The following ZNF738 variants were observed in gnomAD, a reference collection of about 807,000 sequenced individuals.
ZNF738 encodes protein ZNF738.
A neutral mutation model predicts 9.2 loss-of-function variants in ZNF738; 10 were observed. That is an observed-to-expected ratio of 1.09 (90% confidence interval 0.67 to 1.85). ZNF738 has a LOEUF of 1.85. ZNF738 is among the 40% of genes most tolerant of loss of function. The pLI, the probability that ZNF738 is intolerant of heterozygous loss-of-function variation, is 0.00. For missense variants in ZNF738, 346 were observed against 283.6 expected (o/e 1.22, Z -1.58); for synonymous variants, 113 against 94.5 (o/e 1.20, Z -1.14).
chr19:21,385,566 A>G lies in ZNF738; in HGVS notation c.*1892A>G, dbSNP rs1020742936. ...TTAACCAGTCCTCACACCTTACTGC[A>G]CATAAGAGAAATCATACTGGAAGGA... On this transcript the variant is annotated 3_prime_UTR_variant, in exon 5 of 5. Transcript: ENST00000683779. 3.9e-5 allele frequency among the ~76,000 whole-genome samples: 6 copies of G among 152,236 alleles called. No individual in the cohort carries two copies. Among genetic ancestry groups the G allele is most frequent in the Admixed American group, 2.0e-4 (3 of 15,288 alleles).
intron 2 of ZNF738, chr19:21,372,730 A>G (rs1973872292): frequency 6.6e-6 from 1 of 152,204 alleles, no homozygotes; most frequent in Non-Finnish European, 1.5e-5. Flanking sequence ...AGGTGTTAGT[A>G]GGACATAATA....
At position 21,384,581 on chromosome 19, in the gene ZNF738, C is replaced by T. The variant is rs1340789096; in HGVS notation, c.*907C>T. Among the ~76,000 whole-genome samples the T allele has an allele frequency of 6.6e-6, 1 of 152,140 alleles. No homozygotes were observed. The highest frequency in any genetic ancestry group is 6.5e-5 in the Admixed American group (1 of 15,276). The stretch of plus-strand genomic sequence containing the variant: ...AGATAATTCATACTGGAGAGAAACC[C>T]TACAAATGTGAAGAATGTGGCAAAG... On this transcript the variant is annotated 3_prime_UTR_variant, in exon 5 of 5. Coordinates refer to ENST00000683779, the MANE Select transcript of ZNF738 (RefSeq NM_001355237.2).
chr19:21,378,603 T>A, intron 4 of ZNF738: 1 of 380,860 alleles, frequency 2.6e-6, no homozygotes, highest in Non-Finnish European at 5.4e-6. Flanking sequence ...GCAAATAATA[T>A]CACTTTTTTT....
Position 21,375,146 on chromosome 19 carries a change from A to G in ZNF738, c.97-92A>G, listed in dbSNP as rs1417366373. 6 of 685,056 alleles carry G rather than the reference A, an allele frequency of 8.8e-6. No homozygotes were observed. The Admixed American group carries it at 1.7e-4, about 19-fold the overall frequency. 42.4% of individuals were successfully genotyped at this position (685,056 alleles called of 1,614,324 possible). ...TCAGTTATTCCTGTAAGTCAGAACC[A>G]ATTTTCTTTACTCTCTCATTTAACC... On this transcript the variant is annotated intron_variant, in intron 2 of 4. Transcript: ENST00000683779.
At chr19:21,381,162 G>T in intron 4 of ZNF738, 1 of 1,032,366 alleles carries the variant, frequency 9.7e-7, no homozygotes, top group South Asian at 1.6e-5. Flanking sequence ...TTTCTGCAGT[G>T]AGCACCAAGG....
chr19:21,381,813 GT>G, intron 4 of ZNF738: 1 of 291,630 alleles, frequency 3.4e-6, no homozygotes, highest in Non-Finnish European at 6.9e-6. Context: ...TTAAGAAGTT[GT>G]TTTACTTTGG....
chr19:21,376,005 T>C (rs767492339), intron 4 of ZNF738, 41 bp downstream of exon 4: 6 of 695,808 alleles, frequency 8.6e-6, no homozygotes, highest in Non-Finnish European at 1.3e-5. Flanking sequence ...AGATGAAAGG[T>C]TGGAAGATTA....
chr19:21,375,408 T>C (rs752385258), intron 3 of ZNF738, 44 bp downstream of exon 3: 30 of 600,968 alleles, frequency 5.0e-5, no homozygotes, highest in Non-Finnish European at 8.7e-5. Flanking sequence ...ACACTAAAGG[T>C]TTCATTTCTC....
chr19:21,367,404 G>C (rs1397407679), intron 2 of ZNF738, among the ~76,000 whole-genome samples: 1 of 152,178 alleles, frequency 6.6e-6, no homozygotes, highest in Non-Finnish European at 1.5e-5. Flanking sequence ...TATGGGGTTT[G>C]TGACTGGCAT....
In ZNF738 at chr19:21,384,111, C is replaced by T. The variant is rs752212746; in HGVS notation, c.*437C>T. The T allele has an allele frequency of 2.8e-5, 42 of 1,504,908 alleles. No individual in the cohort carries two copies. The highest frequency in any genetic ancestry group is 4.6e-5 in the East Asian group (2 of 43,100). 93.2% of individuals were successfully genotyped at this position (1,504,908 alleles called of 1,614,324 possible). A position where few individuals can be genotyped will look rare whatever the true frequency, so the allele number is the denominator to read the frequency against. On this transcript the variant is annotated 3_prime_UTR_variant, in exon 5 of 5. Coordinates refer to ENST00000683779, the MANE Select transcript of ZNF738 (RefSeq NM_001355237.2). ...TGAAGAATGTGGCAAAGCTTTCTAC[C>T]GATTATCTTATCTTACTACACATAA...
Position 21,383,373 on chromosome 19 carries a change from C to A in ZNF738, c.827C>A (p.Thr276Asn). 9.8e-7 allele frequency: 1 copy of A among 1,016,696 alleles called. No homozygotes were observed. The highest frequency in any genetic ancestry group is 1.5e-6 in the Non-Finnish European group (1 of 663,172). 63.0% of individuals were successfully genotyped at this position (1,016,696 alleles called of 1,614,324 possible). A position where few individuals can be genotyped will look rare whatever the true frequency, so the allele number is the denominator to read the frequency against. ...GKGFNHSTTL[T>N]RHKVIHAGEK... ...GGTTTTAACCACTCCACAACTCTTA[C>A]TAGACATAAGGTAATTCATGCTGGA... is the stretch of plus-strand genomic sequence containing the variant. The change falls in exon 5 of 5, where the codon ACT becomes AAT. Residue 276 changes from threonine (T) to asparagine (N), a missense_variant. Physicochemically the swap from Thr to Asn is moderately conservative, Grantham distance 65. Coordinates refer to ENST00000683779, the MANE Select transcript of ZNF738 (RefSeq NM_001355237.2).
chr19:21,385,359 G>A lies in ZNF738; in HGVS notation c.*1685G>A, dbSNP rs1035187493. ...TAGTCCCAGCTACTCTGGAGGCCTA[G>A]GTGGGAGAATCGCTTGAACCCAGGA... On this transcript the variant is annotated 3_prime_UTR_variant, in exon 5 of 5. Transcript: ENST00000683779. Among the ~76,000 whole-genome samples the A allele has an allele frequency of 1.6e-4, 24 of 152,266 alleles. No individual in the cohort carries two copies. The highest frequency in any genetic ancestry group is 5.8e-4 in the African/African-American group (24 of 41,554).
At position 21,385,914 on chromosome 19, in the gene ZNF738, G is replaced by A. The variant is rs1750067413; in HGVS notation, c.*2240G>A. On this transcript the variant is annotated 3_prime_UTR_variant, in exon 5 of 5. Transcript: ENST00000683779. ...CAACACTTACTAAACAGAATTCATA[G>A]CAGAGAGAAATCCTACAAATATGAA... 6.6e-6 allele frequency among the ~76,000 whole-genome samples: 1 copy of A among 151,994 alleles called. No homozygotes were observed. The highest frequency in any genetic ancestry group is 1.5e-5 in the Non-Finnish European group (1 of 68,024).
At chr19:21,364,183 C>G (rs1273555946) in intron 2 of ZNF738, among the ~76,000 whole-genome samples, 1 of 70,202 alleles carries the variant, frequency 1.4e-5, no homozygotes, top group Admixed American at 2.0e-4. Context: ...GGCAATAGAG[C>G]GAGAATCCGT....
At chr19:21,374,245 T>C (rs564691707) in intron 2 of ZNF738, among the ~76,000 whole-genome samples, 3 of 152,086 alleles carry the variant, frequency 2.0e-5, no homozygotes, top group African/African-American at 7.3e-5. Flanking sequence ...CTCTGAAAGT[T>C]CTGAAAAAAA....
intron 2 of ZNF738, among the ~76,000 whole-genome samples, chr19:21,364,087 C>T (rs1973740575): frequency 6.8e-6 from 1 of 147,188 alleles, no homozygotes; most frequent in African/African-American, 2.5e-5. Context: ...GCCCCAGTGA[C>T]TTAGGAGCCT....
intron 2 of ZNF738, among the ~76,000 whole-genome samples, chr19:21,363,392 C>T (rs566641639): frequency 2.0e-5 from 3 of 152,072 alleles, no homozygotes; most frequent in Non-Finnish European, 4.4e-5. Context: ...TCTGGAGTGC[C>T]TCTCCTGCAG....
At chr19:21,369,126 GTGTCTCACTCTGTCACATAGGA>G (rs1216512675) in intron 2 of ZNF738, among the ~76,000 whole-genome samples, 1 of 152,042 alleles carries the variant, frequency 6.6e-6, no homozygotes, top group Non-Finnish European at 1.5e-5. Flanking sequence ...TTTGGAGACA[GTGTCTCACTCTGTCACATAGGA>G]TGGAATGCAG....
At chr19:21,366,492 C>A (rs1051250551) in intron 2 of ZNF738, among the ~76,000 whole-genome samples, 1 of 152,114 alleles carries the variant, frequency 6.6e-6, no homozygotes, top group African/African-American at 2.4e-5. Context: ...ACAGAAGTCT[C>A]TTCAGTATAG....
Sources: gnomAD v4.1 joint callset for allele counts (sites outside exome capture counted in the v4.1 genomes callset) on GRCh38, gnomAD v4.1.1 for gene constraint, MANE v1.5 for transcripts, NCBI Gene and HGNC (gene_info 2026-07-23, HGNC 2026-07-21) for gene names.